ITPRID1: variants seen among roughly 807,000 people sequenced by gnomAD.
ITPRID1 encodes ITPR interacting domain containing 1.
In ITPRID1, 96 loss-of-function variants were observed where a neutral mutation model predicts 95.4. The ratio of observed to expected loss-of-function variants is 1.01; its 90% CI spans 0.85 to 1.19. The LOEUF (loss-of-function observed/expected upper bound fraction) is 1.19, where lower values mean the gene tolerates loss of function less well. ITPRID1 is among the 50% of genes most tolerant of loss of function. The pLI, the probability that ITPRID1 is intolerant of heterozygous loss-of-function variation, is 0.00. For missense variants in ITPRID1, 1,339 were observed against 1,252.9 expected, an observed-to-expected ratio of 1.07 and a Z score of -1.04; for synonymous variants, 510 against 453.6, an observed-to-expected ratio of 1.12 and a Z score of -1.58.
chr7:31,639,544 T>TTTTTTTTTTTG (rs1789826305), intron 10 of ITPRID1, among the ~76,000 whole-genome samples: 1 of 135,202 alleles, frequency 7.4e-6, no homozygotes, highest in Non-Finnish European at 1.6e-5. Flanking sequence ...TTTTGTTTTT[T>TTTTTTTTTTTG]TTTTTTTTTT....
intron 5 of ITPRID1, among the ~76,000 whole-genome samples, chr7:31,556,798 C>A (rs951427163): frequency 3.3e-5 from 5 of 151,992 alleles, no homozygotes; most frequent in African/African-American, 1.2e-4. Context: ...GCAGCAGTAA[C>A]AAATTATCAC....
intron 6 of ITPRID1, among the ~76,000 whole-genome samples, chr7:31,570,101 G>T (rs1318975151): frequency 6.6e-6 from 1 of 152,132 alleles, no homozygotes; most frequent in African/African-American, 2.4e-5. Context: ...CTGTTCATAA[G>T]GACCTGTTTA....
chr7:31,549,604 T>A (rs1784215880), intron 2 of ITPRID1, 105 bp downstream of exon 2: 1 of 806,848 alleles, frequency 1.2e-6, no homozygotes, highest in Non-Finnish European at 1.8e-6. Context: ...CAGAAAAGTT[T>A]GAAAATTTCC....
intron 1 of ITPRID1, among the ~76,000 whole-genome samples, chr7:31,516,758 C>CCAGAACACA (rs747523333): frequency 8.5e-4 from 129 of 152,306 alleles, no homozygotes; most frequent in Non-Finnish European, 1.3e-3. Flanking sequence ...TTCTCTGTGA[C>CCAGAACACA]AAGATGTGAC....
chr7:31,595,341 G>T (rs945381902), intron 10 of ITPRID1, among the ~76,000 whole-genome samples: 1 of 60,384 alleles, frequency 1.7e-5, no homozygotes, highest in Non-Finnish European at 3.2e-5. Context: ...CACCATGCCC[G>T]GCCTACACAC....
intron 10 of ITPRID1, among the ~76,000 whole-genome samples, chr7:31,641,467 T>A (rs1307388583): frequency 6.8e-6 from 1 of 147,792 alleles, no homozygotes; most frequent in South Asian, 2.1e-4. Flanking sequence ...GCATTTCTCA[T>A]TAAAGAAGAG....
chr7:31,519,622 A>C (rs796653792), intron 1 of ITPRID1, among the ~76,000 whole-genome samples: 1,492 of 37,476 alleles, frequency 0.04, 14 homozygotes, highest in Non-Finnish European at 0.063. Flanking sequence ...CTCTCTCTCT[A>C]TATATATATA....
intron 1 of ITPRID1, among the ~76,000 whole-genome samples, chr7:31,519,610 C>CCA: frequency 1.9e-5 from 1 of 51,324 alleles, no homozygotes; most frequent in South Asian, 9.9e-4. Context: ...CTCTCTCTCT[C>CCA]TCTCTCTCTC....
chr7:31,549,773 C>T (rs1470992438), intron 2 of ITPRID1, among the ~76,000 whole-genome samples: 2 of 152,134 alleles, frequency 1.3e-5, no homozygotes, highest in African/African-American at 4.8e-5. Flanking sequence ...AGATTAGTTA[C>T]CTTGGGTCAA....
chr7:31,651,952 C>G lies in ITPRID1; in HGVS notation c.2725C>G (p.Gln909Glu), dbSNP rs1388382912. 8.1e-6 allele frequency: 13 copies of G among 1,596,844 alleles called. No homozygotes were observed. The highest frequency in any genetic ancestry group is 8.5e-6 in the Non-Finnish European group (10 of 1,171,606). Residue 909 changes from glutamine (Q) to glutamate (E), a missense_variant, in exon 14 of 15, where the codon CAA (glutamine) becomes GAA (glutamate). Transcript: ENST00000615280. ...MSEEEREEAE[Q>E]LQTLREALRQ... ...ATTTACTTGCAGGGAGGAGGCCGAG[C>G]AACTGCAAACGTTACGTGAGGCCCT...
intron 1 of ITPRID1, among the ~76,000 whole-genome samples, chr7:31,519,620 C>CTCTCTCTCTCTCTCTA: frequency 4.4e-4 from 11 of 25,260 alleles, no homozygotes; most frequent in Non-Finnish European, 8.0e-4. Flanking sequence ...CTCTCTCTCT[C>CTCTCTCTCTCTCTCTA]TATATATATA....
Position 31,572,162 on chromosome 7 carries a change from C to A in ITPRID1, c.369C>A (p.Cys123Ter), listed in dbSNP as rs1324227838. The A allele has an allele frequency of 1.9e-6, 3 of 1,610,352 alleles. No homozygotes were observed. Among genetic ancestry groups the A allele is most frequent in the Non-Finnish European group, 2.5e-6 (3 of 1,177,208 alleles). ...ILSRGTSFNS[C>*]YSTASVPQSI... ...CCAGAGGGACCAGTTTCAACTCTTGCTATTCTACTGCAAGTGTACCACAAA... is the reference window on the plus strand; with the variant it reads ...CCAGAGGGACCAGTTTCAACTCTTGATATTCTACTGCAAGTGTACCACAAA... The change falls in exon 7 of 15, where the codon TGC (cysteine) becomes TGA (stop). Residue 123 changes from cysteine (C) to a stop codon, truncating the protein, a stop_gained. Transcript: ENST00000615280. LOFTEE classifies it high-confidence loss of function.
intron 10 of ITPRID1, among the ~76,000 whole-genome samples, chr7:31,595,530 A>G (rs1404650299): frequency 6.6e-6 from 1 of 152,182 alleles, no homozygotes. Flanking sequence ...AAAAGTATAG[A>G]AAAGTATAAG....
intron 10 of ITPRID1, among the ~76,000 whole-genome samples, chr7:31,624,261 GA>G (rs1453323891): frequency 6.9e-6 from 1 of 144,476 alleles, no homozygotes; most frequent in Non-Finnish European, 1.5e-5. Flanking sequence ...CACAGAATTG[GA>G]AAAAACTACT....
intron 10 of ITPRID1, among the ~76,000 whole-genome samples, chr7:31,619,773 C>G (rs1326405428): frequency 6.6e-6 from 1 of 152,100 alleles, no homozygotes; most frequent in South Asian, 2.1e-4. Context: ...GTGGGTGCAG[C>G]GCACCATGCA....
chr7:31,622,776 A>C, intron 10 of ITPRID1, among the ~76,000 whole-genome samples: 1 of 152,152 alleles, frequency 6.6e-6, no homozygotes, highest in Non-Finnish European at 1.5e-5. Context: ...ACTGAAGGAA[A>C]TAGAGACACA....
At chr7:31,577,409 C>T (rs902384740) in intron 8 of ITPRID1, among the ~76,000 whole-genome samples, 2 of 152,264 alleles carry the variant, frequency 1.3e-5, no homozygotes, top group South Asian at 2.1e-4. Flanking sequence ...CATGATCTTT[C>T]CACACTATCA....
downstream of ITPRID1, among the ~76,000 whole-genome samples, chr7:31,656,739 A>G (rs1164060957): frequency 1.3e-5 from 2 of 152,186 alleles, no homozygotes; most frequent in African/African-American, 4.8e-5. Context: ...AGATGACTTC[A>G]TGTGTGATGG....
At chr7:31,563,658 G>T (rs1784698598) in intron 5 of ITPRID1, among the ~76,000 whole-genome samples, 1 of 152,156 alleles carries the variant, frequency 6.6e-6, no homozygotes, top group African/African-American at 2.4e-5. Flanking sequence ...GTGAGAAGAG[G>T]AATGACAGAT....
Sources: allele counts gnomAD v4.1 joint callset (sites outside exome capture counted in the v4.1 genomes callset), GRCh38; gene constraint gnomAD v4.1.1; transcripts MANE v1.5; gene names NCBI Gene and HGNC (gene_info 2026-07-23, HGNC 2026-07-21).